The following SLC24A2 variants were observed in gnomAD, a reference collection of about 807,000 sequenced individuals.
SLC24A2 encodes the protein solute carrier family 24 member 2.
SLC24A2 carries 36 observed loss-of-function variants against 62.0 expected under a neutral mutation model. The observed-to-expected ratio is 0.58, with a 90% CI of 0.44 to 0.77. The LOEUF (loss-of-function observed/expected upper bound fraction) is 0.77, where lower values mean the gene tolerates loss of function less well. SLC24A2 is among the 30% of genes least tolerant of loss of function. The pLI is 0.00. For synonymous variants in SLC24A2, 358 were observed against 294.0 expected (o/e 1.22, Z -2.23); for missense variants, 846 against 817.9 (o/e 1.03, Z -0.42).
the SLC24A2 span, among the ~76,000 whole-genome samples, chr9:19,962,710 G>GT: frequency 6.6e-6 from 1 of 152,204 alleles, no homozygotes; most frequent in Admixed American, 6.5e-5. Context: ...CATTGATTTT[G>GT]AACCTGAGAC....
At chr9:19,700,974 G>T (rs997341048) in intron 2 of SLC24A2, among the ~76,000 whole-genome samples, 1 of 152,140 alleles carries the variant, frequency 6.6e-6, no homozygotes, top group African/African-American at 2.4e-5. Context: ...AGATATCCAA[G>T]AATACTCGCT....
At chr9:19,854,722 A>G in the SLC24A2 span, among the ~76,000 whole-genome samples, 1 of 152,142 alleles carries the variant, frequency 6.6e-6, no homozygotes. Context: ...TATGTGATCA[A>G]TTTTAGAGTA....
the SLC24A2 span, chr9:19,930,082 T>C: frequency 1.3e-5 from 2 of 152,228 alleles, no homozygotes; most frequent in South Asian, 2.1e-4. Flanking sequence ...GGTTAATTTA[T>C]TATTGAAGAA....
chr9:19,968,998 T>C, the SLC24A2 span, among the ~76,000 whole-genome samples: 1 of 152,146 alleles, frequency 6.6e-6, no homozygotes, highest in African/African-American at 2.4e-5. Flanking sequence ...AGGTTTACAG[T>C]GGCTGTTCTA....
chr9:19,562,796 G>A (rs1199765400), intron 7 of SLC24A2, among the ~76,000 whole-genome samples: 2 of 152,110 alleles, frequency 1.3e-5, no homozygotes. Flanking sequence ...TTCTAATACT[G>A]TTCAGGCCTT....
At chr9:20,270,557 G>T in the SLC24A2 span, among the ~76,000 whole-genome samples, 207 of 152,252 alleles carry the variant, frequency 1.4e-3, 4 homozygotes, top group South Asian at 0.03. Context: ...CTCCCTGAAG[G>T]TGATTTAGCA....
intron 7 of SLC24A2, among the ~76,000 whole-genome samples, chr9:19,556,649 TG>T (rs1835099538): frequency 6.6e-6 from 1 of 152,330 alleles, no homozygotes; most frequent in Admixed American, 6.5e-5. Context: ...CCCGGCTCAC[TG>T]TAACACTTAG....
the SLC24A2 span, among the ~76,000 whole-genome samples, chr9:20,085,959 GTTGAT>G: frequency 6.6e-6 from 1 of 152,134 alleles, no homozygotes; most frequent in African/African-American, 2.4e-5. Context: ...AGAGTCCAGA[GTTGAT>G]TTAACTTCTA....
chr9:19,952,400 G>A, the SLC24A2 span, among the ~76,000 whole-genome samples: 21 of 151,838 alleles, frequency 1.4e-4, no homozygotes, highest in Admixed American at 1.1e-3. Context: ...ATAAAGCATC[G>A]AGGCATTCAC....
chr9:20,260,646 AT>A, the SLC24A2 span, among the ~76,000 whole-genome samples: 2 of 151,656 alleles, frequency 1.3e-5, no homozygotes, highest in East Asian at 3.9e-4. Flanking sequence ...CATTGCTTTT[AT>A]TTTTTTACTT....
intron 2 of SLC24A2, among the ~76,000 whole-genome samples, chr9:19,677,874 T>C (rs987424942): frequency 2.6e-5 from 4 of 151,076 alleles, no homozygotes; most frequent in East Asian, 3.9e-4. Context: ...CAAATACATA[T>C]ACAAACATAT....
chr9:19,686,563 G>C (rs549961787), intron 2 of SLC24A2, among the ~76,000 whole-genome samples: 2 of 152,184 alleles, frequency 1.3e-5, no homozygotes, highest in African/African-American at 4.8e-5. Flanking sequence ...TTAATCATGG[G>C]GCGGTTACCT....
At chr9:19,702,952 AAT>A (rs1820400408) in intron 2 of SLC24A2, among the ~76,000 whole-genome samples, 1 of 102,834 alleles carries the variant, frequency 9.7e-6, no homozygotes, top group Non-Finnish European at 2.4e-5. Context: ...AATAAAAAAT[AAT>A]AATTTTTAAA....
At chr9:20,057,368 CAA>C in the SLC24A2 span, among the ~76,000 whole-genome samples, 4 of 152,174 alleles carry the variant, frequency 2.6e-5, no homozygotes, top group Non-Finnish European at 4.4e-5. Flanking sequence ...TCTGACCTAT[CAA>C]TAAAGGAGCT....
the SLC24A2 span, among the ~76,000 whole-genome samples, chr9:19,922,839 C>T: frequency 1.3e-5 from 2 of 152,154 alleles, no homozygotes; most frequent in South Asian, 4.2e-4. Context: ...TCAGAGACAA[C>T]TTGAATGCAT....
intron 4 of SLC24A2, among the ~76,000 whole-genome samples, chr9:19,602,028 A>T (rs1393942459): frequency 6.6e-6 from 1 of 152,234 alleles, no homozygotes; most frequent in Non-Finnish European, 1.5e-5. Flanking sequence ...TTTGGTATCA[A>T]GAGACCTTAT....
At chr9:19,946,187 C>T in the SLC24A2 span, among the ~76,000 whole-genome samples, 1 of 152,302 alleles carries the variant, frequency 6.6e-6, no homozygotes, top group African/African-American at 2.4e-5. Flanking sequence ...TCCCCCAGCT[C>T]ACCCCCAAGG....
chr9:19,740,252 A>G (rs1821633441), intron 2 of SLC24A2, among the ~76,000 whole-genome samples: 2 of 152,232 alleles, frequency 1.3e-5, no homozygotes, highest in Non-Finnish European at 2.9e-5. Flanking sequence ...AATGCATACA[A>G]GTGTGTACCA....
the SLC24A2 span, among the ~76,000 whole-genome samples, chr9:19,859,003 T>C: frequency 2.0e-5 from 3 of 152,178 alleles, no homozygotes; most frequent in Non-Finnish European, 2.9e-5. Context: ...ATTGGGTATA[T>C]ACACAAAGGA....
Sources: gnomAD v4.1 joint callset for allele counts (sites outside exome capture counted in the v4.1 genomes callset) on GRCh38, gnomAD v4.1.1 for gene constraint, MANE v1.5 for transcripts, NCBI Gene and HGNC (gene_info 2026-07-23, HGNC 2026-07-21) for gene names.